The following ZNF536 variants were observed in gnomAD, a reference collection of about 807,000 sequenced individuals.
The protein encoded by ZNF536 is zinc finger protein 536.
ZNF536 carries 13 observed loss-of-function variants against 84.5 expected under a neutral mutation model. That is an observed-to-expected ratio of 0.15 (90% CI 0.10 to 0.24). The LOEUF (loss-of-function observed/expected upper bound fraction) is 0.24. Ranked by LOEUF, ZNF536 falls within the 10% of genes least tolerant of loss-of-function variation. The pLI is 1.00. For missense variants in ZNF536, 1,536 were observed against 1,747.5 expected (o/e 0.88, Z 2.16); for synonymous variants, 811 against 742.5 (o/e 1.09, Z -1.50).
chr19:30,273,340 G>A (rs760451629), intron 1 of ZNF536, among the ~76,000 whole-genome samples: 2 of 152,150 alleles, frequency 1.3e-5, no homozygotes, highest in East Asian at 1.9e-4. Context: ...GTCTTGCCAC[G>A]TGGCTTTCCC....
At chr19:30,359,300 C>T (rs375762388) in intron 3 of ZNF536, among the ~76,000 whole-genome samples, 1 of 152,312 alleles carries the variant, frequency 6.6e-6, no homozygotes, top group East Asian at 1.9e-4. Context: ...GGGCTCTCTG[C>T]AAGGAGTGGC....
intron 1 of ZNF536, among the ~76,000 whole-genome samples, chr19:30,705,997 G>A (rs559834830): frequency 6.0e-4 from 91 of 152,264 alleles, no homozygotes; most frequent in African/African-American, 2.1e-3. Flanking sequence ...GGTACTAAGT[G>A]CTTTTATACC....
chr19:30,630,941 A>G (rs375172010), intron 1 of ZNF536, among the ~76,000 whole-genome samples: 1 of 152,214 alleles, frequency 6.6e-6, no homozygotes, highest in Non-Finnish European at 1.5e-5. Context: ...GAAATCCTAA[A>G]AAATTCAGTG....
chr19:30,473,243 A>C (rs1599494758), intron 2 of ZNF536, among the ~76,000 whole-genome samples: 1 of 151,574 alleles, frequency 6.6e-6, no homozygotes, highest in Middle Eastern at 3.4e-3. Flanking sequence ...ATAATGGTAG[A>C]ATGTTCTGGG....
intron 2 of ZNF536, among the ~76,000 whole-genome samples, chr19:30,483,252 G>A (rs1296682496): frequency 6.6e-6 from 1 of 152,186 alleles, no homozygotes; most frequent in Non-Finnish European, 1.5e-5. Flanking sequence ...TAGGGTGCCA[G>A]GTCAGTGAGC....
chr19:30,249,222 A>T (rs73021655), intron 1 of ZNF536, among the ~76,000 whole-genome samples: 22,211 of 152,236 alleles, frequency 0.15, 1,976 homozygotes, highest in South Asian at 0.32. Flanking sequence ...CTATTTATCC[A>T]GTGCCTAGCA....
intron 3 of ZNF536, among the ~76,000 whole-genome samples, chr19:30,357,928 C>T (rs1223010394): frequency 6.6e-6 from 1 of 152,156 alleles, no homozygotes; most frequent in Non-Finnish European, 1.5e-5. Context: ...ATCAGGGAGG[C>T]TTGGTTTGGC....
rs202138615 is a variant in ZNF536, at chr19:30,232,374, A to T, written c.-190+3701A>T. 4.6e-5 allele frequency among the ~76,000 whole-genome samples: 7 copies of T among 152,270 alleles called. No individual in the cohort carries two copies. The East Asian group carries it at 9.6e-4, about 21-fold the overall frequency. On this transcript the variant is annotated intron_variant, in intron 1 of 5. Coordinates refer to the ZNF536 transcript ENST00000585628. ...GATGCTGAGGTCTGGGGTACAATGC[A>T]TCCCGTCACCCAGGTAGTGAGCATG...
chr19:30,661,619 T>G (rs1390019889), intron 1 of ZNF536, among the ~76,000 whole-genome samples: 1 of 152,222 alleles, frequency 6.6e-6, no homozygotes, highest in Admixed American at 6.5e-5. Flanking sequence ...GGGGAAAGAC[T>G]TTCGCATAAG....
chr19:30,678,724 C>A (rs1310261029), intron 1 of ZNF536, among the ~76,000 whole-genome samples: 1 of 128,556 alleles, frequency 7.8e-6, no homozygotes, highest in Non-Finnish European at 1.8e-5. Context: ...CCTTGGTACC[C>A]ACCCCCAAGC....
intron 1 of ZNF536, among the ~76,000 whole-genome samples, chr19:30,703,854 T>A (rs2052103429): frequency 6.6e-6 from 1 of 152,222 alleles, no homozygotes; most frequent in Admixed American, 6.5e-5. Flanking sequence ...TATTATTGCA[T>A]CATTATCAAG....
Position 30,653,251 on chromosome 19 carries a change from C to T in ZNF536, c.170-57506C>T, listed in dbSNP as rs150366688. On this transcript the variant is annotated intron_variant, in intron 1 of 1. Coordinates refer to the ZNF536 transcript ENST00000592773. ...TCTGGGGAGGACCCTCTATCCTGCCCTTCAGCTCCAGGGTCATGGCTGTGC... is the reference window on the plus strand; with the variant it reads ...TCTGGGGAGGACCCTCTATCCTGCCTTTCAGCTCCAGGGTCATGGCTGTGC... Among the ~76,000 whole-genome samples the T allele has an allele frequency of 8.8e-3, 1,334 of 152,288 alleles. 9 individuals are homozygous for T. The highest frequency in any genetic ancestry group is 0.017 in the Middle Eastern group (5 of 294).
At chr19:30,397,046 C>A (rs1568389341) in intron 1 of ZNF536, among the ~76,000 whole-genome samples, 1 of 152,202 alleles carries the variant, frequency 6.6e-6, no homozygotes, top group African/African-American at 2.4e-5. Flanking sequence ...AACTCTATGG[C>A]TGCAAACCTG....
rs10417335 is a variant in ZNF536 at position 30,612,460 on chromosome 19, T to G, written c.169+62946T>G. Among the ~76,000 whole-genome samples the G allele has an allele frequency of 5.0e-3, 762 of 152,296 alleles. 4 individuals are homozygous for G. Among genetic ancestry groups the G allele is most frequent in the African/African-American group, 0.017 (723 of 41,564 alleles). On this transcript the variant is annotated intron_variant, in intron 1 of 1. Transcript: ENST00000592773. ...TGCCCACTTGATTCTCACTGAGGTC[T>G]CTGGATATGGAGATACCATGGAGAG...
intron 1 of ZNF536, among the ~76,000 whole-genome samples, chr19:30,404,021 T>TA (rs2050161581): frequency 1.0e-5 from 1 of 96,128 alleles, no homozygotes; most frequent in Non-Finnish European, 1.8e-5. Context: ...CCTTTCCTCT[T>TA]TTTTTTTTTT....
chr19:30,525,999 C>A (rs1260392874), intron 2 of ZNF536, among the ~76,000 whole-genome samples: 1 of 152,316 alleles, frequency 6.6e-6, no homozygotes, highest in Non-Finnish European at 1.5e-5. Flanking sequence ...GAGATGGCAG[C>A]GGCCTGGGCT....
intron 2 of ZNF536, among the ~76,000 whole-genome samples, chr19:30,495,134 G>T (rs8107874): frequency 0.028 from 4,205 of 152,196 alleles, 185 homozygotes; most frequent in African/African-American, 0.096. Flanking sequence ...AGTAAACCTT[G>T]TAAACACTAC....
chr19:30,593,173 C>T (rs932424107), intron 1 of ZNF536, among the ~76,000 whole-genome samples: 5 of 152,258 alleles, frequency 3.3e-5, no homozygotes, highest in African/African-American at 1.2e-4. Flanking sequence ...GCCTCTTTCT[C>T]GCTGCTCTCT....
chr19:30,425,922 G>C (rs185624489), intron 1 of ZNF536, among the ~76,000 whole-genome samples: 44 of 152,318 alleles, frequency 2.9e-4, no homozygotes, highest in African/African-American at 1.1e-3. Context: ...TGTGGAGTCT[G>C]GACCTGATTA....
Sources: gnomAD v4.1 joint callset for allele counts (sites outside exome capture counted in the v4.1 genomes callset) on GRCh38, gnomAD v4.1.1 for gene constraint, MANE v1.5 for transcripts, NCBI Gene and HGNC (gene_info 2026-07-23, HGNC 2026-07-21) for gene names.